Variants in ATP6V1C2 observed in about 807,000 individuals in gnomAD.
ATP6V1C2 encodes ATPase H+ transporting V1 subunit C2.
ATP6V1C2 carries 45 observed loss-of-function variants against 56.8 expected under a neutral mutation model. That is an observed-to-expected ratio of 0.79 (90% CI 0.62 to 1.02). The LOEUF is 1.02. Among genes scored for constraint, ATP6V1C2 ranks in the 50% least tolerant of loss-of-function variants. The pLI is 0.00. For missense variants in ATP6V1C2, 463 were observed against 519.7 expected, an observed-to-expected ratio of 0.89 and a Z score of 1.06; for synonymous variants, 220 against 201.3, an observed-to-expected ratio of 1.09 and a Z score of -0.79.
intron 2 of ATP6V1C2, among the ~76,000 whole-genome samples, chr2:10,723,363 A>C (rs12328141): frequency 6.6e-6 from 1 of 152,098 alleles, no homozygotes; most frequent in Non-Finnish European, 1.5e-5. Flanking sequence ...TTAGATGTGC[A>C]GGCTTGGGGG....
intron 3 of ATP6V1C2, among the ~76,000 whole-genome samples, chr2:10,732,975 A>AAAAAG (rs1553324489): frequency 1.3e-5 from 2 of 151,922 alleles, no homozygotes; most frequent in African/African-American, 4.8e-5. Flanking sequence ...CTCAAAAAAA[A>AAAAAG]AAAAAGAAAA....
Position 10,780,166 on chromosome 2 carries a change from A to C in ATP6V1C2, c.1061+1497A>C, listed in dbSNP as rs564789794. On this transcript the variant is annotated intron_variant, in intron 12 of 13. Coordinates refer to ENST00000272238, the MANE Select transcript of ATP6V1C2 (RefSeq NM_001039362.2). The surrounding 1 kb of genome is among the most constrained non-coding windows in gnomAD (Gnocchi z 4.1). ...CTGCCATCTGCCTGCCGTAGGCTTT[A>C]CCTGGGTATCTGTCTCATCTCCCCT... 6.6e-6 allele frequency among the ~76,000 whole-genome samples: 1 copy of C among 152,048 alleles called. No homozygotes were observed. Among genetic ancestry groups the C allele is most frequent in the African/African-American group, 2.4e-5 (1 of 41,456 alleles).
chr2:10,757,532 G>A (rs1302330743), intron 4 of ATP6V1C2: 1 of 398,310 alleles, frequency 2.5e-6, no homozygotes, highest in Non-Finnish European at 4.4e-6. Context: ...ATCTCGGTCT[G>A]GTTGTATTGG....
At chr2:10,757,003 CTTTTTTTTT>C (rs57191070) in intron 4 of ATP6V1C2, among the ~76,000 whole-genome samples, 11 of 81,576 alleles carry the variant, frequency 1.3e-4, no homozygotes, top group East Asian at 3.2e-4. Context: ...CATGAGGAGA[CTTTTTTTTT>C]TTTTTTTTTT....
Position 10,783,247 on chromosome 2 carries a change from T to TTAGTC in ATP6V1C2, c.1270_1274dup (p.Leu426ValfsTer26). 6.2e-7 allele frequency: 1 copy of TTAGTC among 1,613,158 alleles called. No homozygotes were observed. The highest frequency in any genetic ancestry group is 1.3e-5 in the African/African-American group (1 of 75,044). On this transcript the variant is annotated frameshift_variant, in exon 14 of 14. Transcript: ENST00000272238. LOFTEE classifies it high-confidence loss of function. ...CCTTATGTCTACTTCCATATTGACC[T>TTAGTC]TAGTCTTCTTGACTAGAAAGGCCAG...
chr2:10,754,985 A>T (rs1663457836), intron 4 of ATP6V1C2, among the ~76,000 whole-genome samples: 1 of 152,000 alleles, frequency 6.6e-6, no homozygotes, highest in Non-Finnish European at 1.5e-5. Flanking sequence ...CTCCCACCTC[A>T]GCCTCTCGCT....
rs1023183840 is a variant in ATP6V1C2, at chr2:10,784,624, C to A, written c.*1361C>A. 1.6e-5 allele frequency: 8 copies of A among 501,372 alleles called. No individual in the cohort carries two copies. The highest frequency in any genetic ancestry group is 2.4e-5 in the Non-Finnish European group (7 of 286,256). The allele number at this position is 501,372 out of a possible 1,614,324, so 31.1% of individuals were successfully genotyped here. A position where few individuals can be genotyped will look rare whatever the true frequency, so the allele number is the denominator to read the frequency against. On this transcript the variant is annotated 3_prime_UTR_variant, in exon 14 of 14. Coordinates refer to ENST00000272238, the MANE Select transcript of ATP6V1C2 (RefSeq NM_001039362.2). ...ACAGAAATAAGTGCTAATTTCAAAG[C>A]TATCATTTTCTATTTTTCTAAGATA...
rs1413525679 is a variant in ATP6V1C2 at position 10,784,319 on chromosome 2, A to G, written c.*1056A>G. Reference sequence around the variant, plus strand: ...ATCACTGAGGTCAATGTCATCCTCCACGGGAAGCTGGGAGACGACAGAAAG... The same window carrying G: ...ATCACTGAGGTCAATGTCATCCTCCGCGGGAAGCTGGGAGACGACAGAAAG... On this transcript the variant is annotated 3_prime_UTR_variant, in exon 14 of 14. Transcript: ENST00000272238. The G allele has an allele frequency of 1.2e-6, 2 of 1,612,824 alleles. No individual in the cohort carries two copies. The highest frequency in any genetic ancestry group is 2.7e-5 in the African/African-American group (2 of 74,858).
At chr2:10,766,893 T>C (rs143936708) in intron 5 of ATP6V1C2, among the ~76,000 whole-genome samples, 1 of 152,304 alleles carries the variant, frequency 6.6e-6, no homozygotes, top group African/African-American at 2.4e-5. Flanking sequence ...TATGTAGTTG[T>C]ATAGTGCAGA....
chr2:10,744,382 A>G (rs1255502055), intron 3 of ATP6V1C2: 1 of 152,192 alleles, frequency 6.6e-6, no homozygotes, highest in East Asian at 1.9e-4. Context: ...AGTTTTCTTT[A>G]TACACTGAAC....
rs1013842561 is a variant in ATP6V1C2, at chr2:10,726,357, A to G, written c.130-145A>G. 1.8e-5 allele frequency: 12 copies of G among 680,252 alleles called. No homozygotes were observed. The Admixed American group carries it at 3.0e-4, about 17-fold the overall frequency. The allele number at this position is 680,252 out of a possible 1,614,324, so 42.1% of individuals were successfully genotyped here. A position where few individuals can be genotyped will look rare whatever the true frequency, so the allele number is the denominator to read the frequency against. On this transcript the variant is annotated intron_variant, in intron 2 of 13. Transcript: ENST00000272238. ...ACCCCCAAATCCACTGGTTTCCATT[A>G]AGAGTTTTTTCTACTTTCCACTTTG... is the stretch of plus-strand genomic sequence containing the variant.
chr2:10,731,557 G>T (rs1191843280), intron 3 of ATP6V1C2, among the ~76,000 whole-genome samples: 4 of 152,176 alleles, frequency 2.6e-5, no homozygotes, highest in Non-Finnish European at 4.4e-5. Context: ...CCTAAGAAAG[G>T]CCTGTAACAG....
chr2:10,746,972 A>G (rs1291209042), intron 3 of ATP6V1C2, among the ~76,000 whole-genome samples: 1 of 152,242 alleles, frequency 6.6e-6, no homozygotes, highest in Non-Finnish European at 1.5e-5. Context: ...ATGAAAGACA[A>G]TGAAAAGAAT....
chr2:10,742,495 C>T (rs991986507), intron 3 of ATP6V1C2, among the ~76,000 whole-genome samples: 4 of 152,180 alleles, frequency 2.6e-5, no homozygotes, highest in African/African-American at 9.7e-5. Flanking sequence ...CTGCGATCTG[C>T]AGCCTCAAGT....
chr2:10,783,378 T>G lies in ATP6V1C2; in HGVS notation c.*115T>G, dbSNP rs1285470336. The stretch of plus-strand genomic sequence containing the variant: ...AGAACTAAGATCTTTTTCAGAGAAA[T>G]TGCTCACAAAAGTTAGTGACAGTTG... On this transcript the variant is annotated 3_prime_UTR_variant, in exon 14 of 14. Coordinates refer to ENST00000272238, the MANE Select transcript of ATP6V1C2 (RefSeq NM_001039362.2). 3.1e-6 allele frequency: 2 copies of G among 635,218 alleles called. No individual in the cohort carries two copies. Among genetic ancestry groups the G allele is most frequent in the Non-Finnish European group, 5.2e-6 (2 of 381,568 alleles). 39.3% of individuals were successfully genotyped at this position (635,218 alleles called of 1,614,324 possible). A position where few individuals can be genotyped will look rare whatever the true frequency, so the allele number is the denominator to read the frequency against.
chr2:10,726,820 T>C (rs1393674887), intron 3 of ATP6V1C2, among the ~76,000 whole-genome samples: 1 of 152,112 alleles, frequency 6.6e-6, no homozygotes, highest in Non-Finnish European at 1.5e-5. Context: ...CATGCATAGG[T>C]GCCGAGACAC....
In ATP6V1C2 at chr2:10,740,009, A is replaced by G. The variant is rs577744857; in HGVS notation, c.197+13440A>G. ...AGGCTGAGGCAGGAGAATCACTTAA[A>G]CCCAGGAGGCAGAGGTTGCAGTGAG... On this transcript the variant is annotated intron_variant, in intron 3 of 13. Transcript: ENST00000272238. Among the ~76,000 whole-genome samples, 38 of 137,500 alleles carry G rather than the reference A, an allele frequency of 2.8e-4. 1 individual carries two copies. The East Asian group carries it at 7.3e-3, about 26-fold the overall frequency. 90.2% of individuals were successfully genotyped at this position (137,500 alleles called of 152,430 possible). A position where few individuals can be genotyped will look rare whatever the true frequency, so the allele number is the denominator to read the frequency against.
At chr2:10,753,114 AGT>A (rs1663315145) in intron 3 of ATP6V1C2, among the ~76,000 whole-genome samples, 1 of 152,214 alleles carries the variant, frequency 6.6e-6, no homozygotes. Context: ...TGAAGCCTTC[AGT>A]GTGTTTTTCA....
intron 3 of ATP6V1C2, among the ~76,000 whole-genome samples, chr2:10,747,467 C>T (rs1274831040): frequency 2.0e-5 from 3 of 152,122 alleles, no homozygotes; most frequent in African/African-American, 7.2e-5. Flanking sequence ...AAAATAAGGA[C>T]ATCCTCTTAT....
Sources: allele counts gnomAD v4.1 joint callset (sites outside exome capture counted in the v4.1 genomes callset), GRCh38; gene constraint gnomAD v4.1.1; non-coding constraint Gnocchi (gnomAD v3.1); transcripts MANE v1.5; gene names NCBI Gene and HGNC (gene_info 2026-07-23, HGNC 2026-07-21).